PRKCZ: variants seen among roughly 807,000 people sequenced by gnomAD.
PRKCZ encodes the protein protein kinase C zeta, also known as protein kinase C zeta type.
PRKCZ carries 33 observed loss-of-function variants against 79.5 expected under a neutral mutation model. That is an observed-to-expected ratio of 0.41 (90% CI 0.31 to 0.55). PRKCZ has a LOEUF of 0.55. Ranked by LOEUF, PRKCZ falls within the 20% of genes least tolerant of loss-of-function variation. The probability of loss-of-function intolerance (pLI) is 0.19; values close to 1 mark genes in which losing one functional copy is unlikely to be tolerated. For missense variants in PRKCZ, 578 were observed against 813.5 expected (o/e 0.71, Z 3.52); for synonymous variants, 342 against 320.9 (o/e 1.07, Z -0.70).
intron 10 of PRKCZ, among the ~76,000 whole-genome samples, chr1:2,157,865 C>T (rs1052461447): frequency 1.3e-5 from 2 of 152,172 alleles, no homozygotes; most frequent in Non-Finnish European, 2.9e-5. Context: ...CATGTTATAT[C>T]CGTGTAGGGA....
intron 4 of PRKCZ, among the ~76,000 whole-genome samples, chr1:2,122,503 G>GTGGT (rs1672512323): frequency 9.6e-5 from 1 of 10,448 alleles, no homozygotes; most frequent in Admixed American, 1.3e-3. Flanking sequence ...GGTCACGGTG[G>GTGGT]TAGTTAGGGT....
intron 10 of PRKCZ, among the ~76,000 whole-genome samples, chr1:2,157,884 C>A (rs536062627): frequency 6.6e-6 from 1 of 151,912 alleles, no homozygotes; most frequent in Non-Finnish European, 1.5e-5. Context: ...GAACTGTTTG[C>A]AGTTCACGTT....
At chr1:2,115,181 T>C (rs1485302072) in intron 4 of PRKCZ, among the ~76,000 whole-genome samples, 3 of 152,276 alleles carry the variant, frequency 2.0e-5, no homozygotes, top group African/African-American at 7.2e-5. Context: ...CGGGCCCCTG[T>C]GTGGGGCTTT....
At chr1:2,118,432 G>T (rs1238303510) in intron 4 of PRKCZ, among the ~76,000 whole-genome samples, 5 of 151,444 alleles carry the variant, frequency 3.3e-5, no homozygotes. Flanking sequence ...CTGCCTCCTG[G>T]GTTCACGCCA....
chr1:2,126,001 G>A (rs1024893124), intron 4 of PRKCZ, among the ~76,000 whole-genome samples: 3 of 152,144 alleles, frequency 2.0e-5, no homozygotes, highest in African/African-American at 4.8e-5. Context: ...GCCAGGGCCC[G>A]AGGATGTTGC....
At chr1:2,108,083 G>C (rs1424957935) in intron 4 of PRKCZ, among the ~76,000 whole-genome samples, 1 of 152,256 alleles carries the variant, frequency 6.6e-6, no homozygotes, top group Non-Finnish European at 1.5e-5. Context: ...GCCTGTTCTG[G>C]GGGTAGAGAA....
intron 4 of PRKCZ, among the ~76,000 whole-genome samples, chr1:2,120,456 T>G (rs1464357035): frequency 6.6e-6 from 1 of 151,804 alleles, no homozygotes; most frequent in Admixed American, 6.6e-5. Context: ...CTTGCCACCA[T>G]GACCGGCTAA....
chr1:2,102,485 A>C, intron 4 of PRKCZ, among the ~76,000 whole-genome samples: 1 of 151,388 alleles, frequency 6.6e-6, no homozygotes, highest in East Asian at 1.9e-4. Flanking sequence ...GGCGCCCACC[A>C]CCACGTCCCG....
Position 2,121,731 on chromosome 1 carries a change from C to CGGCGGTGG in PRKCZ, c.335-13531_335-13530insGGCGGTGG, listed in dbSNP as rs1672086707. 2.4e-3 allele frequency among the ~76,000 whole-genome samples: 2 copies of CGGCGGTGG among 832 alleles called. 1 individual carries two copies. The highest frequency in any genetic ancestry group is 6.5e-3 in the African/African-American group (2 of 310). The allele number at this position is 832 out of a possible 152,430, so 0.5% of individuals were successfully genotyped here. On this transcript the variant is annotated intron_variant, in intron 4 of 17. Coordinates refer to ENST00000378567, the MANE Select transcript of PRKCZ (RefSeq NM_002744.6). Reference sequence around the variant, plus strand: ...GGTGGTAGTTAGGGTCACGGCGGTACTTAGGGTCACGGCGGTGGTTAGGGT... The same window carrying CGGCGGTGG: ...GGTGGTAGTTAGGGTCACGGCGGTACGGCGGTGGTTAGGGTCACGGCGGTGGTTAGGGT...
At chr1:2,113,872 C>T (rs1338769002) in intron 4 of PRKCZ, among the ~76,000 whole-genome samples, 5 of 151,888 alleles carry the variant, frequency 3.3e-5, no homozygotes, top group Non-Finnish European at 5.9e-5. Flanking sequence ...GAGAAGGGAC[C>T]GCAGTGCCCA....
At chr1:2,133,895 A>G (rs1675596259) in intron 4 of PRKCZ, 1 of 152,276 alleles carries the variant, frequency 6.6e-6, no homozygotes, top group Admixed American at 6.5e-5. Context: ...GGGTAGAGCC[A>G]CATGAGGGGT....
At chr1:2,184,892 C>A (rs778205741) in intron 17 of PRKCZ, 30 bp from the exon 18 acceptor site, 3 of 1,588,028 alleles carry the variant, frequency 1.9e-6, no homozygotes, top group African/African-American at 1.3e-5. Context: ...ACACGGTCAC[C>A]CCCCTCCCCC....
chr1:2,070,806 C>T (rs376860838), intron 4 of PRKCZ, among the ~76,000 whole-genome samples: 5 of 54,068 alleles, frequency 9.2e-5, no homozygotes, highest in South Asian at 6.2e-4. Context: ...TCCTCGGCTG[C>T]GGGGGCCGGG....
chr1:2,107,405 C>T (rs1325038193), intron 4 of PRKCZ, among the ~76,000 whole-genome samples: 3 of 152,256 alleles, frequency 2.0e-5, no homozygotes, highest in Admixed American at 6.5e-5. Context: ...CTTCCACGGC[C>T]GCACACACTC....
At chr1:2,071,628 C>T (rs1184720581) in intron 4 of PRKCZ, 1 of 200,214 alleles carries the variant, frequency 5.0e-6, no homozygotes, top group Non-Finnish European at 1.1e-5. Flanking sequence ...GCCTGCTGAG[C>T]CTGAATATCC....
intron 3 of PRKCZ, 131 bp downstream of exon 3, chr1:2,056,704 A>G: frequency 1.4e-6 from 1 of 718,256 alleles, no homozygotes; most frequent in South Asian, 2.9e-5. Flanking sequence ...GTCTAATATA[A>G]TGCCATTTGG....
chr1:2,153,411 C>T lies in PRKCZ; in HGVS notation c.876+2433C>T, dbSNP rs967456814. The stretch of plus-strand genomic sequence containing the variant: ...GCCCCGATGGGCCACAGAGGGGGTC[C>T]CTCCTCGCCAGCCATGCTCGGGGCT... On this transcript the variant is annotated intron_variant, in intron 9 of 17. Transcript: ENST00000378567. 3.9e-5 allele frequency among the ~76,000 whole-genome samples: 6 copies of T among 152,236 alleles called. No individual in the cohort carries two copies. The South Asian group carries it at 1.0e-3, about 26-fold the overall frequency.
At chr1:2,101,670 C>T (rs3128330) in intron 4 of PRKCZ, among the ~76,000 whole-genome samples, 52,842 of 151,938 alleles carry the variant, frequency 0.35, 9,853 homozygotes, top group East Asian at 0.62. Context: ...GGTGGGAGAG[C>T]ACCTCCCCTG....
rs574336430 is a variant in PRKCZ at position 2,082,956 on chromosome 1, G to A, written c.334+23365G>A. Among the ~76,000 whole-genome samples, 2 of 152,168 alleles carry A rather than the reference G, an allele frequency of 1.3e-5. No homozygotes were observed. The highest frequency in any genetic ancestry group is 1.9e-4 in the East Asian group (1 of 5,192). Reference sequence around the variant, plus strand: ...GCGGCATGAGGGAGCAAGCCACCTCGGGCACAGGTGAAGGACAGGTGTCCA... The same window carrying A: ...GCGGCATGAGGGAGCAAGCCACCTCAGGCACAGGTGAAGGACAGGTGTCCA... On this transcript the variant is annotated intron_variant, in intron 4 of 17. Coordinates refer to ENST00000378567, the MANE Select transcript of PRKCZ (RefSeq NM_002744.6). The surrounding 1 kb of genome is among the most constrained non-coding windows in gnomAD (Gnocchi z 4.4).
Sources: allele counts gnomAD v4.1 joint callset (sites outside exome capture counted in the v4.1 genomes callset), GRCh38; gene constraint gnomAD v4.1.1; non-coding constraint Gnocchi (gnomAD v3.1); transcripts MANE v1.5; gene names NCBI Gene and HGNC (gene_info 2026-07-23, HGNC 2026-07-21).